FAM156A: variants seen among roughly 807,000 people sequenced by gnomAD.
The protein encoded by FAM156A is family with sequence similarity 156 member A, also known as protein FAM156A/FAM156B.
intron 1 of FAM156A, among the ~76,000 whole-genome samples, chrX:52,975,608 G>A (rs1410202007): frequency 1.7e-4 from 19 of 111,836 alleles, no homozygotes; most frequent in Admixed American, 6.6e-4. Flanking sequence ...CACTGATGGC[G>A]TCACTGGGGG....
chrX:52,976,316 T>A (rs1929465209), intron 1 of FAM156A, among the ~76,000 whole-genome samples: 1 of 110,623 alleles, frequency 9.0e-6, no homozygotes, highest in East Asian at 2.8e-4. Context: ...TAGTGGTGCA[T>A]ACCTGTAATG....
intron 1 of FAM156A, among the ~76,000 whole-genome samples, chrX:52,990,797 G>GA (rs10547016): frequency 1.0e-4 from 7 of 69,593 alleles, no homozygotes; most frequent in East Asian, 4.6e-4. Flanking sequence ...GAAAAGAAAA[G>GA]AAAGAAAAGA....
chrX:52,976,153 T>A (rs1929451922), intron 1 of FAM156A, among the ~76,000 whole-genome samples: 1 of 111,931 alleles, frequency 8.9e-6, no homozygotes, highest in African/African-American at 3.2e-5. Flanking sequence ...ACATCTATTT[T>A]AAAAATTATT....
intron 1 of FAM156A, among the ~76,000 whole-genome samples, chrX:52,982,360 G>A (rs1425803865): frequency 2.7e-5 from 3 of 111,046 alleles, no homozygotes; most frequent in Admixed American, 9.6e-5. Flanking sequence ...AGGCTGAGGT[G>A]GGAGAATCGC....
At chrX:52,994,080 G>A (rs1930995851) in intron 1 of FAM156A, among the ~76,000 whole-genome samples, 1 of 110,317 alleles carries the variant, frequency 9.1e-6, no homozygotes, top group South Asian at 3.9e-4. Context: ...ATAGTTCCTG[G>A]ACCGAGACCT....
chrX:52,987,505 C>A (rs1016901829), intron 1 of FAM156A, among the ~76,000 whole-genome samples: 1 of 110,058 alleles, frequency 9.1e-6, no homozygotes, highest in African/African-American at 3.3e-5. Flanking sequence ...AATAAGAAAA[C>A]TTAGCCGAGT....
rs781999252 is a variant in FAM156A at position 52,975,389 on chromosome X, G to C, written c.-433-11154C>G. ...TCATTCCCGCACACACCTCAGGCCA[G>C]GGCAGCTTCTCACCACAGTAACGGA... On this transcript the variant is annotated intron_variant, in intron 1 of 4. Coordinates refer to the FAM156A transcript ENST00000610625. Among the ~76,000 whole-genome samples the C allele has an allele frequency of 2.7e-5, 3 of 111,944 alleles. No individual in the cohort carries two copies. In the South Asian group the frequency reaches 1.1e-3, roughly 42 times the overall value.
chrX:52,982,088 A>C (rs187180387), intron 1 of FAM156A, among the ~76,000 whole-genome samples: 11 of 112,021 alleles, frequency 9.8e-5, no homozygotes, highest in Non-Finnish European at 1.3e-4. Context: ...GCTTGAGGCC[A>C]AGAGTTCAAG....
At chrX:52,992,557 C>T (rs1167614712) in intron 1 of FAM156A, among the ~76,000 whole-genome samples, 2 of 110,684 alleles carry the variant, frequency 1.8e-5, no homozygotes, top group Non-Finnish European at 3.8e-5. Context: ...GTCAGGGACA[C>T]TCACGCGACT....
chrX:52,988,195 G>A (rs1266297904), intron 1 of FAM156A, among the ~76,000 whole-genome samples: 4 of 106,284 alleles, frequency 3.8e-5, no homozygotes, highest in East Asian at 2.9e-4. Flanking sequence ...GCAGTGAGCC[G>A]AGATCACGCC....
At chrX:52,975,061 C>T (rs1285783780) in intron 1 of FAM156A, among the ~76,000 whole-genome samples, 1 of 77,393 alleles carries the variant, frequency 1.3e-5, no homozygotes, top group African/African-American at 5.0e-5. Context: ...TACACACACA[C>T]ACACACACAC....
At chrX:52,984,751 C>T (rs1930143637) in intron 1 of FAM156A, among the ~76,000 whole-genome samples, 1 of 110,875 alleles carries the variant, frequency 9.0e-6, no homozygotes, top group South Asian at 3.8e-4. Flanking sequence ...TGCCTGTAAT[C>T]CCAGCTACTC....
intron 1 of FAM156A, among the ~76,000 whole-genome samples, chrX:52,979,147 C>T (rs1929690019): frequency 8.9e-6 from 1 of 111,847 alleles, no homozygotes; most frequent in Non-Finnish European, 1.9e-5. Context: ...ACAAGATGAG[C>T]GCAGTGTGAG....
chrX:52,977,441 A>G, intron 1 of FAM156A, among the ~76,000 whole-genome samples: 1 of 111,127 alleles, frequency 9.0e-6, no homozygotes, highest in Non-Finnish European at 1.9e-5. Context: ...ATCAAAAATG[A>G]ATTTACTTTT....
intron 1 of FAM156A, among the ~76,000 whole-genome samples, chrX:52,988,580 T>TAC (rs1471854819): frequency 8.9e-6 from 1 of 112,467 alleles, no homozygotes; most frequent in Non-Finnish European, 1.9e-5. Context: ...TTTTACTGTA[T>TAC]AATTTCAAAA....
chrX:52,974,587 A>G (rs1261901700), intron 1 of FAM156A, among the ~76,000 whole-genome samples: 1 of 111,390 alleles, frequency 9.0e-6, no homozygotes, highest in East Asian at 2.8e-4. Context: ...AAGTGACTTT[A>G]TTTCAGACAG....
intron 1 of FAM156A, among the ~76,000 whole-genome samples, chrX:52,993,870 CTTG>C (rs1930978893): frequency 1.8e-5 from 2 of 111,673 alleles, no homozygotes; most frequent in Non-Finnish European, 1.9e-5. Flanking sequence ...TCAGGAAATT[CTTG>C]TTGAAGGATG....
At chrX:52,975,226 G>A (rs1929372591) in intron 1 of FAM156A, among the ~76,000 whole-genome samples, 2 of 111,425 alleles carry the variant, frequency 1.8e-5, no homozygotes, top group Admixed American at 9.5e-5. Flanking sequence ...AAGATGCCAC[G>A]GCATGATGCA....
intron 1 of FAM156A, among the ~76,000 whole-genome samples, chrX:52,986,237 A>T (rs910004444): frequency 1.6e-4 from 17 of 109,005 alleles, no homozygotes; most frequent in Non-Finnish European, 2.7e-4. Context: ...AATAAAATTA[A>T]AAAAATAAAA....
Sources: gnomAD v4.1 joint callset for allele counts (sites outside exome capture counted in the v4.1 genomes callset) on GRCh38, gnomAD v4.1.1 for gene constraint, MANE v1.5 for transcripts, NCBI Gene and HGNC (gene_info 2026-07-23, HGNC 2026-07-21) for gene names.